The following FNIP1 variants were observed in gnomAD, a reference collection of about 807,000 sequenced individuals.
FNIP1 encodes the protein folliculin-interacting protein 1.
In FNIP1, 40 loss-of-function variants were observed where a neutral mutation model predicts 124.5. The ratio of observed to expected loss-of-function variants is 0.32; its 90% CI spans 0.25 to 0.42. The LOEUF is 0.42. Among genes scored for constraint, FNIP1 ranks in the 10% least tolerant of loss-of-function variants. The pLI, the probability that FNIP1 is intolerant of heterozygous loss-of-function variation, is 1.00. For missense variants in FNIP1, 1,176 were observed against 1,403.7 expected, an observed-to-expected ratio of 0.84 and a Z score of 2.59; for synonymous variants, 472 against 470.6, an observed-to-expected ratio of 1.00 and a Z score of -0.04.
chr5:131,772,739 G>C (rs1445620797), intron 1 of FNIP1, among the ~76,000 whole-genome samples: 1 of 152,068 alleles, frequency 6.6e-6, no homozygotes, highest in Non-Finnish European at 1.5e-5. Context: ...TCTTCTCCCA[G>C]ATATGGATCG....
chr5:131,648,933 T>C (rs1766968021), intron 16 of FNIP1, among the ~76,000 whole-genome samples: 1 of 152,238 alleles, frequency 6.6e-6, no homozygotes, highest in African/African-American at 2.4e-5. Context: ...GTCTAGTTTA[T>C]TTCACTTAGC....
At chr5:131,670,079 C>G (rs1296067469) in intron 15 of FNIP1, among the ~76,000 whole-genome samples, 1 of 151,962 alleles carries the variant, frequency 6.6e-6, no homozygotes, top group Non-Finnish European at 1.5e-5. Context: ...TCAGAAAGAC[C>G]AAAGGATATA....
chr5:131,761,415 G>C (rs983939054), intron 1 of FNIP1, among the ~76,000 whole-genome samples: 9 of 152,166 alleles, frequency 5.9e-5, no homozygotes, highest in Admixed American at 2.6e-4. Flanking sequence ...GGTAAATTCA[G>C]TACAGTTGCA....
chr5:131,661,054 C>A (rs905672678), intron 15 of FNIP1, among the ~76,000 whole-genome samples: 1 of 152,098 alleles, frequency 6.6e-6, no homozygotes, highest in Non-Finnish European at 1.5e-5. Flanking sequence ...GCCCCTTTGG[C>A]GGTTTCAATT....
At chr5:131,666,743 T>C (rs1337696218) in intron 15 of FNIP1, among the ~76,000 whole-genome samples, 2 of 152,258 alleles carry the variant, frequency 1.3e-5, no homozygotes, top group Non-Finnish European at 2.9e-5. Flanking sequence ...CTAAATACTA[T>C]TATTATTATT....
intron 1 of FNIP1, among the ~76,000 whole-genome samples, chr5:131,745,890 T>C (rs571004803): frequency 1.3e-5 from 2 of 152,176 alleles, no homozygotes; most frequent in African/African-American, 2.4e-5. Flanking sequence ...ATGTAAGTAA[T>C]GACCTCCAGA....
At chr5:131,680,353 A>G (rs1377733105) in intron 11 of FNIP1, among the ~76,000 whole-genome samples, 1 of 152,250 alleles carries the variant, frequency 6.6e-6, no homozygotes, top group African/African-American at 2.4e-5. Flanking sequence ...CAATGGATAG[A>G]AACAATAAGA....
chr5:131,663,763 A>G (rs1368175042), intron 15 of FNIP1, among the ~76,000 whole-genome samples: 2 of 152,248 alleles, frequency 1.3e-5, no homozygotes, highest in Non-Finnish European at 2.9e-5. Context: ...GCAATATTAT[A>G]CATGGTTAAA....
intron 11 of FNIP1, among the ~76,000 whole-genome samples, chr5:131,681,780 G>A (rs1332693591): frequency 1.8e-5 from 2 of 112,130 alleles, no homozygotes; most frequent in African/African-American, 6.1e-5. Flanking sequence ...AAAAAAAAAC[G>A]GATTCCAGAG....
At chr5:131,695,849 T>C (rs897761038) in intron 11 of FNIP1, among the ~76,000 whole-genome samples, 1 of 152,230 alleles carries the variant, frequency 6.6e-6, no homozygotes, top group Non-Finnish European at 1.5e-5. Context: ...TCAAAAACTG[T>C]GTTCAACATT....
intron 2 of FNIP1, among the ~76,000 whole-genome samples, chr5:131,737,641 G>A (rs141893554): frequency 1.5e-4 from 23 of 152,122 alleles, no homozygotes; most frequent in African/African-American, 4.6e-4. Flanking sequence ...TCTATAAATC[G>A]GAATAATAAT....
chr5:131,758,383 T>C (rs1325310474), intron 1 of FNIP1, among the ~76,000 whole-genome samples: 1 of 152,190 alleles, frequency 6.6e-6, no homozygotes, highest in Non-Finnish European at 1.5e-5. Flanking sequence ...TGATCTCTCA[T>C]TTTACCAGAA....
chr5:131,762,079 A>G (rs1771250579), intron 1 of FNIP1, among the ~76,000 whole-genome samples: 1 of 152,184 alleles, frequency 6.6e-6, no homozygotes, highest in Admixed American at 6.5e-5. Context: ...CCAGACCCCT[A>G]TCTCTCACCA....
At chr5:131,757,238 CAGTT>C (rs1771079227) in intron 1 of FNIP1, among the ~76,000 whole-genome samples, 1 of 152,154 alleles carries the variant, frequency 6.6e-6, no homozygotes, top group Admixed American at 6.5e-5. Flanking sequence ...AGAGGAGAGT[CAGTT>C]AGCTAACAAG....
chr5:131,665,117 T>C (rs1767559253), intron 15 of FNIP1, among the ~76,000 whole-genome samples: 1 of 152,060 alleles, frequency 6.6e-6, no homozygotes, highest in Non-Finnish European at 1.5e-5. Flanking sequence ...GTGTGACTAA[T>C]ATCACCACAC....
chr5:131,677,967 T>C (rs1211100463), intron 12 of FNIP1, 95 bp from the exon 13 acceptor site: 1 of 1,260,776 alleles, frequency 7.9e-7, no homozygotes, highest in Non-Finnish European at 1.1e-6. Context: ...GTATATATGT[T>C]CATGTGGCCA....
intron 15 of FNIP1, among the ~76,000 whole-genome samples, chr5:131,661,219 T>TG (rs375882270): frequency 0.73 from 107,522 of 147,026 alleles, 38,994 homozygotes; most frequent in Non-Finnish European, 0.78. Flanking sequence ...TTGTCTTTGT[T>TG]TTGTGTGTGT....
At chr5:131,684,762 A>C (rs1768213891) in intron 11 of FNIP1, among the ~76,000 whole-genome samples, 1 of 152,206 alleles carries the variant, frequency 6.6e-6, no homozygotes, top group Admixed American at 6.5e-5. Context: ...TGGTGACTTC[A>C]GCTGGATCTA....
chr5:131,722,565 A>G (rs1769703248), intron 3 of FNIP1, among the ~76,000 whole-genome samples: 1 of 152,204 alleles, frequency 6.6e-6, no homozygotes, highest in African/African-American at 2.4e-5. Context: ...TCTCTTTACT[A>G]CCTATCTTAA....
Sources: gnomAD v4.1 joint callset for allele counts (sites outside exome capture counted in the v4.1 genomes callset) on GRCh38, gnomAD v4.1.1 for gene constraint, MANE v1.5 for transcripts, NCBI Gene and HGNC (gene_info 2026-07-23, HGNC 2026-07-21) for gene names.